Variants in PGPEP1 observed in about 807,000 individuals in gnomAD.
PGPEP1 encodes the protein pyroglutamyl-peptidase I.
In PGPEP1, 15 loss-of-function variants were observed where a neutral mutation model predicts 24.1. The ratio of observed to expected loss-of-function variants is 0.62; its 90% CI spans 0.42 to 0.96. PGPEP1 has a LOEUF of 0.96. Ranked by LOEUF, PGPEP1 falls within the 40% of genes least tolerant of loss-of-function variation. The pLI is 0.00. For synonymous variants in PGPEP1, 122 were observed against 116.4 expected (o/e 1.05, Z -0.31); for missense variants, 242 against 273.4 (o/e 0.89, Z 0.81).
At position 18,364,103 on chromosome 19, in the gene PGPEP1, T is replaced by TCTTTCTTGCTTGCTTTCTTTCTTG. The variant is rs1555713572; in HGVS notation, c.*527_*528insGCTTGCTTTCTTTCTTGCTTTCTT. On this transcript the variant is annotated 3_prime_UTR_variant, in exon 5 of 5. Transcript: ENST00000269919. ...GGCTGGCTTTCTTTCTTTCTTTCTT[T>TCTTTCTTGCTTGCTTTCTTTCTTG]CTTTCTTTCTTGCTTTCTTTCTTTC... The TCTTTCTTGCTTGCTTTCTTTCTTG allele has an allele frequency of 2.2e-5, 3 of 134,978 alleles. No homozygotes were observed. Among genetic ancestry groups the TCTTTCTTGCTTGCTTTCTTTCTTG allele is most frequent in the Non-Finnish European group, 4.5e-5 (3 of 66,716 alleles). 8.4% of individuals were successfully genotyped at this position (134,978 alleles called of 1,614,324 possible).
At position 18,352,095 on chromosome 19, in the gene PGPEP1, C is replaced by T. The variant is rs373987351; in HGVS notation, c.88-3800C>T. On this transcript the variant is annotated intron_variant, in intron 2 of 4. Coordinates refer to ENST00000269919, the MANE Select transcript of PGPEP1 (RefSeq NM_017712.4). ...GACCATCCTGGTTAACACGATGAAA[C>T]CCCGTCTCTACTAAAAATACAAAAA... is the stretch of plus-strand genomic sequence containing the variant. Among the ~76,000 whole-genome samples, 7 of 151,620 alleles carry T rather than the reference C, an allele frequency of 4.6e-5. No individual in the cohort carries two copies. In the East Asian group the frequency reaches 1.2e-3, roughly 25 times the overall value.
intron 4 of PGPEP1, among the ~76,000 whole-genome samples, chr19:18,359,532 G>A (rs1240115299): frequency 6.8e-6 from 1 of 146,068 alleles, no homozygotes; most frequent in Non-Finnish European, 1.5e-5. Context: ...TTTTGAGATG[G>A]AGTCTCGCTC....
intron 2 of PGPEP1, among the ~76,000 whole-genome samples, chr19:18,344,160 C>G (rs1970763975): frequency 6.6e-6 from 1 of 151,346 alleles, no homozygotes; most frequent in Non-Finnish European, 1.5e-5. Context: ...ATATCTTGAC[C>G]TTGTAGGAAG....
intron 1 of PGPEP1, among the ~76,000 whole-genome samples, chr19:18,342,172 G>A (rs1399272124): frequency 1.3e-5 from 2 of 152,132 alleles, no homozygotes; most frequent in African/African-American, 4.8e-5. Context: ...GCCTCCCAAA[G>A]TGCTGGAATT....
intron 2 of PGPEP1, among the ~76,000 whole-genome samples, chr19:18,350,156 G>A (rs1046846787): frequency 1.5e-4 from 23 of 152,144 alleles, no homozygotes; most frequent in Admixed American, 1.5e-3. Context: ...GAGTAGCTGG[G>A]ACTACAGGCA....
At chr19:18,340,771 GCT>G (rs1478689384) in intron 1 of PGPEP1, 56 bp downstream of exon 1, 1 of 1,313,242 alleles carries the variant, frequency 7.6e-7, no homozygotes, top group East Asian at 2.9e-5. Flanking sequence ...GGCGGGGGCG[GCT>G]CCGGGACTGC....
Position 18,348,404 on chromosome 19 carries a change from G to A in PGPEP1, c.87+5493G>A, listed in dbSNP as rs796984016. On this transcript the variant is annotated intron_variant, in intron 2 of 4. Transcript: ENST00000269919. ...AGGGGAATCGGTCAGACGAGGCTGC[G>A]CGGCGGGGTCCTGTCAGGTAGATGG... 6.6e-5 allele frequency among the ~76,000 whole-genome samples: 10 copies of A among 152,264 alleles called. 1 individual carries two copies. Among genetic ancestry groups the A allele is most frequent in the African/African-American group, 2.4e-4 (10 of 41,562 alleles).
At chr19:18,359,215 G>T (rs1285159807) in intron 4 of PGPEP1, among the ~76,000 whole-genome samples, 1 of 152,066 alleles carries the variant, frequency 6.6e-6, no homozygotes, top group Non-Finnish European at 1.5e-5. Flanking sequence ...CTGCACTTCA[G>T]TCTGGGCAAC....
At position 18,357,433 on chromosome 19, in the gene PGPEP1, G is replaced by T; in HGVS notation, c.255G>T (p.Glu85Asp). Residue 85 changes from glutamate (E) to aspartate (D), a missense_variant, in exon 4 of 5, where the codon GAG (glutamate) becomes GAT (aspartate). Glu to Asp is a conservative substitution (Grantham distance 45). Transcript: ENST00000269919. ...GCATGGCGACCACAGTCACACTGGA[G>T]AAATGTGGACACAACAAGGGCTACA... The part of the protein sequence containing the change: ...VSGMATTVTL[E>D]KCGHNKGYKG... 1 of 1,614,072 alleles carries T rather than the reference G, an allele frequency of 6.2e-7. No homozygotes were observed. The highest frequency in any genetic ancestry group is 8.5e-7 in the Non-Finnish European group (1 of 1,180,002).
At chr19:18,359,851 G>A (rs1971292794) in intron 4 of PGPEP1, among the ~76,000 whole-genome samples, 1 of 151,918 alleles carries the variant, frequency 6.6e-6, no homozygotes, top group South Asian at 2.1e-4. Context: ...TCACCTCCTT[G>A]TGACTTGTAG....
At chr19:18,358,910 G>C (rs953215277) in intron 4 of PGPEP1, among the ~76,000 whole-genome samples, 1 of 152,048 alleles carries the variant, frequency 6.6e-6, no homozygotes, top group African/African-American at 2.4e-5. Flanking sequence ...GCCACCAAAC[G>C]TGGCCCAAAT....
intron 3 of PGPEP1, among the ~76,000 whole-genome samples, chr19:18,356,253 C>A (rs1211982834): frequency 6.8e-6 from 1 of 147,644 alleles, no homozygotes; most frequent in African/African-American, 2.5e-5. Context: ...GGCAACATGG[C>A]AAAACCCTGT....
intron 2 of PGPEP1, among the ~76,000 whole-genome samples, chr19:18,352,430 CAA>C (rs368742529): frequency 1.5e-5 from 2 of 137,592 alleles, no homozygotes; most frequent in Admixed American, 7.4e-5. Flanking sequence ...TAATCCATCT[CAA>C]AAAAAAAAAA....
intron 4 of PGPEP1, chr19:18,358,112 T>G (rs1600219080): frequency 5.3e-6 from 1 of 189,492 alleles, no homozygotes; most frequent in Non-Finnish European, 1.1e-5. Flanking sequence ...TGGTGGCTGC[T>G]GGCCATCCTT....
At chr19:18,347,434 C>T (rs919956340) in intron 2 of PGPEP1, among the ~76,000 whole-genome samples, 1 of 149,310 alleles carries the variant, frequency 6.7e-6, no homozygotes, top group African/African-American at 2.4e-5. Context: ...GTCTCCCTGT[C>T]TCTCTCTCTC....
rs1397958549 is a variant in PGPEP1 at position 18,364,220 on chromosome 19, G to T, written c.*637G>T. On this transcript the variant is annotated 3_prime_UTR_variant, in exon 5 of 5. Transcript: ENST00000269919. Reference sequence around the variant, plus strand: ...AATTTATATTCCCTTTGGTTAAAATGCAGGCTTTTTAGCCAACAACAAAAG... The same window carrying T: ...AATTTATATTCCCTTTGGTTAAAATTCAGGCTTTTTAGCCAACAACAAAAG... 6.8e-6 allele frequency: 1 copy of T among 146,982 alleles called. No individual in the cohort carries two copies. The highest frequency in any genetic ancestry group is 2.5e-5 in the African/African-American group (1 of 39,710). The allele number at this position is 146,982 out of a possible 1,614,324, so 9.1% of individuals were successfully genotyped here. A position where few individuals can be genotyped will look rare whatever the true frequency, so the allele number is the denominator to read the frequency against.
chr19:18,349,839 T>C (rs985980611), intron 2 of PGPEP1, among the ~76,000 whole-genome samples: 2 of 152,072 alleles, frequency 1.3e-5, no homozygotes, highest in Non-Finnish European at 2.9e-5. Context: ...AAATCCAGTT[T>C]ATCAATTATT....
At chr19:18,352,498 A>T (rs1310474402) in intron 2 of PGPEP1, among the ~76,000 whole-genome samples, 1 of 151,264 alleles carries the variant, frequency 6.6e-6, no homozygotes, top group Non-Finnish European at 1.5e-5. Flanking sequence ...TGGTGTGAAG[A>T]TGGGAATTAG....
intron 2 of PGPEP1, among the ~76,000 whole-genome samples, chr19:18,343,842 C>A (rs1970752671): frequency 6.6e-6 from 1 of 151,990 alleles, no homozygotes; most frequent in South Asian, 2.1e-4. Context: ...GCTACCACGC[C>A]TGGCTACTTT....
Sources: allele counts gnomAD v4.1 joint callset (sites outside exome capture counted in the v4.1 genomes callset), GRCh38; gene constraint gnomAD v4.1.1; transcripts MANE v1.5; gene names NCBI Gene and HGNC (gene_info 2026-07-23, HGNC 2026-07-21).